Variants in EFCAB13 observed in about 807,000 individuals in gnomAD.
EFCAB13 encodes the protein EF-hand calcium binding domain 13, also known as EF-hand calcium-binding domain-containing protein 13.
In EFCAB13, 91 loss-of-function variants were observed where a neutral mutation model predicts 110.2. The observed-to-expected ratio is 0.83, with a 90% CI of 0.70 to 0.98. The LOEUF is 0.98. Ranked by LOEUF, EFCAB13 falls within the 50% of genes least tolerant of loss-of-function variation. The pLI is 0.00. For synonymous variants in EFCAB13, 323 were observed against 369.9 expected, an observed-to-expected ratio of 0.87 and a Z score of 1.45; for missense variants, 968 against 1,119.4, an observed-to-expected ratio of 0.86 and a Z score of 1.93.
At chr17:47,344,123 A>G in intron 6 of EFCAB13, 39 bp from the exon 7 acceptor site, 1 of 1,592,006 alleles carries the variant, frequency 6.3e-7, no homozygotes, top group Non-Finnish European at 8.6e-7. Context: ...TACCAGTGTC[A>G]CTCACCTCAG....
At chr17:47,428,377 G>A (rs1355207746) in intron 23 of EFCAB13, among the ~76,000 whole-genome samples, 2 of 151,950 alleles carry the variant, frequency 1.3e-5, no homozygotes, top group Non-Finnish European at 2.9e-5. Flanking sequence ...AACAGCATGG[G>A]AGATATAATT....
intron 17 of EFCAB13, among the ~76,000 whole-genome samples, chr17:47,401,162 G>A (rs1052679259): frequency 3.9e-5 from 6 of 152,202 alleles, no homozygotes; most frequent in African/African-American, 1.4e-4. Context: ...AAAAGTTCAA[G>A]TGTCAATTTA....
intron 9 of EFCAB13, among the ~76,000 whole-genome samples, chr17:47,359,261 G>A (rs1375477276): frequency 6.6e-6 from 1 of 152,124 alleles, no homozygotes; most frequent in Non-Finnish European, 1.5e-5. Context: ...TTGAGCTGGG[G>A]AGGCAGAGGT....
intron 11 of EFCAB13, among the ~76,000 whole-genome samples, chr17:47,373,079 A>G (rs959051573): frequency 6.6e-6 from 1 of 152,106 alleles, no homozygotes; most frequent in South Asian, 2.1e-4. Context: ...GCTGTCCCAT[A>G]AATCCTGTAA....
At chr17:47,372,232 T>G (rs1406346680) in intron 11 of EFCAB13, among the ~76,000 whole-genome samples, 1 of 152,180 alleles carries the variant, frequency 6.6e-6, no homozygotes, top group Non-Finnish European at 1.5e-5. Flanking sequence ...TTTTATCTTT[T>G]GTGTATTTAC....
intron 11 of EFCAB13, among the ~76,000 whole-genome samples, chr17:47,372,202 CTG>C (rs1467639723): frequency 1.3e-5 from 2 of 151,760 alleles, no homozygotes; most frequent in African/African-American, 4.8e-5. Context: ...TGATTTTTCT[CTG>C]TTGATTTTTT....
intron 5 of EFCAB13, among the ~76,000 whole-genome samples, chr17:47,336,326 G>A (rs1308198393): frequency 1.4e-5 from 2 of 144,764 alleles, no homozygotes; most frequent in Non-Finnish European, 3.0e-5. Context: ...GAGTCTCGCT[G>A]TGTTGCCCAG....
chr17:47,423,628 T>G (rs1904806193), intron 23 of EFCAB13: 2 of 365,728 alleles, frequency 5.5e-6, no homozygotes, highest in Non-Finnish European at 9.6e-6. Flanking sequence ...GGTCCATTGT[T>G]TCGCTTCTCT....
chr17:47,330,025 T>G (rs540735931), intron 4 of EFCAB13: 1 of 152,328 alleles, frequency 6.6e-6, no homozygotes, highest in Non-Finnish European at 1.5e-5. Flanking sequence ...CTTTATAAAT[T>G]GTCTGTGTAA....
chr17:47,403,312 A>G (rs1318376540), intron 18 of EFCAB13, among the ~76,000 whole-genome samples: 1 of 152,198 alleles, frequency 6.6e-6, no homozygotes, highest in Non-Finnish European at 1.5e-5. Context: ...GGCAGATAGT[A>G]TTATCCCATT....
At chr17:47,353,002 A>G (rs1423200075) in intron 9 of EFCAB13, among the ~76,000 whole-genome samples, 9 of 152,180 alleles carry the variant, frequency 5.9e-5, no homozygotes, top group Non-Finnish European at 8.8e-5. Context: ...TTTTCTCAGT[A>G]TAAGATTATA....
chr17:47,388,369 A>C (rs11868497), intron 14 of EFCAB13, among the ~76,000 whole-genome samples: 13,339 of 152,074 alleles, frequency 0.088, 843 homozygotes, highest in East Asian at 0.35. Flanking sequence ...TTTTTTCTTA[A>C]CATCTGCTTG....
At chr17:47,344,387 A>C (rs2065403568) in intron 7 of EFCAB13, 95 bp downstream of exon 7, 1 of 1,411,450 alleles carries the variant, frequency 7.1e-7, no homozygotes, top group Admixed American at 2.1e-5. Context: ...AAAGAATATG[A>C]AGTAGTTTAT....
At chr17:47,383,032 A>G (rs912615343) in intron 14 of EFCAB13, among the ~76,000 whole-genome samples, 3 of 152,130 alleles carry the variant, frequency 2.0e-5, no homozygotes, top group African/African-American at 7.2e-5. Context: ...GTGTCCAGGA[A>G]TTTATCCATT....
chr17:47,429,106 T>C (rs916492358), intron 23 of EFCAB13, among the ~76,000 whole-genome samples: 2 of 152,166 alleles, frequency 1.3e-5, no homozygotes, highest in Non-Finnish European at 2.9e-5. Flanking sequence ...ATTTTATTTA[T>C]ACAATATTCT....
Position 47,403,971 on chromosome 17 carries a change from A to C in EFCAB13, c.2111A>C (p.Lys704Thr). 1 of 1,611,048 alleles carries C rather than the reference A, an allele frequency of 6.2e-7. No homozygotes were observed. The highest frequency in any genetic ancestry group is 8.5e-7 in the Non-Finnish European group (1 of 1,178,420). The change falls in exon 19 of 25, where the codon AAG becomes ACG. Residue 704 changes from lysine to threonine, a missense_variant. Coordinates refer to ENST00000331493, the MANE Select transcript of EFCAB13 (RefSeq NM_152347.5). ...GACTTTCTAAGAAATGTTGGGATTA[A>C]GTCACCTAAAGAAGAGGTAGAGAAA... The part of the protein sequence containing the change: ...LEDFLRNVGI[K>T]SPKEEVEKIL...
intron 9 of EFCAB13, among the ~76,000 whole-genome samples, chr17:47,356,499 T>G (rs1311586963): frequency 6.6e-6 from 1 of 152,182 alleles, no homozygotes; most frequent in African/African-American, 2.4e-5. Context: ...CTCTTTTGGA[T>G]CTAGCCACCC....
chr17:47,398,034 C>CA (rs1303566355), intron 17 of EFCAB13, among the ~76,000 whole-genome samples: 1 of 140,792 alleles, frequency 7.1e-6, no homozygotes, highest in African/African-American at 3.0e-5. Flanking sequence ...AGCCCCTGCC[C>CA]GGCCAGCCGC....
intron 23 of EFCAB13, among the ~76,000 whole-genome samples, chr17:47,421,562 T>C (rs370268060): frequency 0.025 from 3,649 of 145,262 alleles, 115 homozygotes; most frequent in African/African-American, 0.089. Context: ...TGACCTTCCC[T>C]CCACTATTGT....
Sources: allele counts gnomAD v4.1 joint callset (sites outside exome capture counted in the v4.1 genomes callset), GRCh38; gene constraint gnomAD v4.1.1; transcripts MANE v1.5; gene names NCBI Gene and HGNC (gene_info 2026-07-23, HGNC 2026-07-21).